RFWD3: variants seen among roughly 807,000 people sequenced by gnomAD.
RFWD3 encodes E3 ubiquitin-protein ligase RFWD3.
RFWD3 carries 65 observed loss-of-function variants against 87.7 expected under a neutral mutation model. That is an observed-to-expected ratio of 0.74 (90% CI 0.61 to 0.91). The LOEUF (loss-of-function observed/expected upper bound fraction) is 0.91. Ranked by LOEUF, RFWD3 falls within the 40% of genes least tolerant of loss-of-function variation. RFWD3 has a pLI of 0.00. For synonymous variants in RFWD3, 433 were observed against 352.8 expected (o/e 1.23, Z -2.55); for missense variants, 1,078 against 938.5 (o/e 1.15, Z -1.94).
Position 74,628,612 on chromosome 16 carries a change from T to G in RFWD3, c.1809A>C (p.Pro603=). 2 of 1,614,064 alleles carry G rather than the reference T, an allele frequency of 1.2e-6. No homozygotes were observed. The highest frequency in any genetic ancestry group is 1.7e-6 in the Non-Finnish European group (2 of 1,180,018). The part of the protein sequence containing the change: ...YMPRAASAAF[P]YGGVLAGTLE... ...AGGTTCCAGCCAGCACCCCACCATA[T>G]GGAAATGCAGCTGAGGCAGCTCTGG... The change falls in exon 11 of 13, where the codon CCA becomes CCC. Residue 603 remains proline (P), a synonymous_variant. Transcript: ENST00000361070.
At chr16:74,630,550 T>G (rs1597412431) in intron 10 of RFWD3, among the ~76,000 whole-genome samples, 1 of 152,336 alleles carries the variant, frequency 6.6e-6, no homozygotes, top group South Asian at 2.1e-4. Flanking sequence ...GTTAGATGAT[T>G]ACTATGAACC....
chr16:74,641,046 C>A (rs750404391), intron 6 of RFWD3, among the ~76,000 whole-genome samples: 12 of 152,040 alleles, frequency 7.9e-5, no homozygotes, highest in Non-Finnish European at 1.3e-4. Context: ...TTAGGTAAAG[C>A]TGAAATTAAA....
At chr16:74,628,225 G>T (rs1298505259) in intron 11 of RFWD3, among the ~76,000 whole-genome samples, 1 of 152,122 alleles carries the variant, frequency 6.6e-6, no homozygotes, top group African/African-American at 2.4e-5. Flanking sequence ...TCACTTCCAG[G>T]AGTACCTGGC....
rs777804678 is a variant in RFWD3 at position 74,636,333 on chromosome 16, C to A, written c.1426+13G>T. 1.2e-5 allele frequency: 19 copies of A among 1,609,174 alleles called. 1 individual carries two copies. In the South Asian group the frequency reaches 2.0e-4, roughly 17 times the overall value. ...AATAAAGAACATGAAAGCTGAGGTT[C>A]TAGACTCTTTACCTGGAAGAAAAGA... is the stretch of plus-strand genomic sequence containing the variant. On this transcript the variant is annotated intron_variant, in intron 8 of 12. Coordinates refer to ENST00000361070, the MANE Select transcript of RFWD3 (RefSeq NM_018124.4).
At chr16:74,640,443 C>G (rs903866087) in intron 6 of RFWD3, among the ~76,000 whole-genome samples, 1 of 151,800 alleles carries the variant, frequency 6.6e-6, no homozygotes, top group Non-Finnish European at 1.5e-5. Context: ...TGCGCCCGCC[C>G]GGAAACTTAA....
chr16:74,641,295 T>G (rs557098025), intron 6 of RFWD3, among the ~76,000 whole-genome samples: 12 of 152,212 alleles, frequency 7.9e-5, no homozygotes, highest in Admixed American at 2.0e-4. Context: ...CCCGAGTAGC[T>G]GGGACTACAG....
At chr16:74,626,684 G>T in intron 11 of RFWD3, 130 bp from the exon 12 acceptor site, 1 of 654,602 alleles carries the variant, frequency 1.5e-6, no homozygotes, top group Non-Finnish European at 2.7e-6. Flanking sequence ...ATCAAGAACA[G>T]TTACAAAACA....
rs78796563 is a variant in RFWD3 at position 74,630,800 on chromosome 16, A to G, written c.1735T>C (p.Leu579=). 0.024 allele frequency: 37,708 copies of G among 1,603,320 alleles called. 515 individuals carry two copies. The highest frequency in any genetic ancestry group is 0.027 in the Non-Finnish European group (31,494 of 1,175,768). The part of the protein sequence containing the change: ...VRNTSSHVQE[L]VAQKARCPLV... ...CCCTACCTGGCTTTCTGAGCTACTA[A>G]CTCCTGCACATGACTGCTCGTGTTT... Residue 579 remains leucine, a synonymous_variant, in exon 10 of 13, where the codon TTA becomes CTA. Transcript: ENST00000361070.
intron 2 of RFWD3, among the ~76,000 whole-genome samples, chr16:74,659,317 G>T (rs1311439564): frequency 6.6e-6 from 1 of 152,156 alleles, no homozygotes; most frequent in Non-Finnish European, 1.5e-5. Context: ...CTCAACCATG[G>T]AAAGTTAGCC....
At chr16:74,649,525 T>C (rs866108951) in intron 3 of RFWD3, among the ~76,000 whole-genome samples, 3 of 152,234 alleles carry the variant, frequency 2.0e-5, no homozygotes, top group Non-Finnish European at 2.9e-5. Context: ...TTTCTTTTGG[T>C]TGGAATACTT....
In RFWD3 at chr16:74,622,165, G is replaced by A. The variant is rs1597400771; in HGVS notation, c.*1763C>T. ...ACCTGACCACCTGTATCCTCTTGGT[G>A]GCAATCTGCTGAAGCCAGATGAGTT... On this transcript the variant is annotated 3_prime_UTR_variant, in exon 13 of 13. Transcript: ENST00000361070. 1.3e-5 allele frequency: 2 copies of A among 152,160 alleles called. No individual in the cohort carries two copies. 9.4% of individuals were successfully genotyped at this position (152,160 alleles called of 1,614,324 possible). A position where few individuals can be genotyped will look rare whatever the true frequency, so the allele number is the denominator to read the frequency against.
chr16:74,659,893 AGT>A (rs1436198109), intron 2 of RFWD3, among the ~76,000 whole-genome samples: 4 of 152,154 alleles, frequency 2.6e-5, no homozygotes, highest in African/African-American at 9.7e-5. Context: ...ATATTTTCAC[AGT>A]GTTAGAAAAC....
At chr16:74,635,713 A>G (rs925521327) in intron 8 of RFWD3, among the ~76,000 whole-genome samples, 1 of 152,254 alleles carries the variant, frequency 6.6e-6, no homozygotes, top group African/African-American at 2.4e-5. Flanking sequence ...ACATTATATA[A>G]CCATGCTAAA....
At chr16:74,660,197 T>C (rs1288695785) in intron 2 of RFWD3, among the ~76,000 whole-genome samples, 1 of 152,118 alleles carries the variant, frequency 6.6e-6, no homozygotes, top group African/African-American at 2.4e-5. Flanking sequence ...TATGAGACCC[T>C]GAACAAAGCC....
At chr16:74,645,720 C>G (rs542685487) in intron 4 of RFWD3, among the ~76,000 whole-genome samples, 2 of 151,618 alleles carry the variant, frequency 1.3e-5, no homozygotes, top group East Asian at 3.9e-4. Flanking sequence ...ATTATGCAGC[C>G]CATGATCATA....
intron 8 of RFWD3, among the ~76,000 whole-genome samples, chr16:74,635,372 C>T (rs1336042548): frequency 1.3e-5 from 2 of 151,872 alleles, no homozygotes; most frequent in Non-Finnish European, 2.9e-5. Context: ...GAGGCTGAGG[C>T]AGGAGAATCT....
At chr16:74,635,617 G>C (rs1223044575) in intron 8 of RFWD3, among the ~76,000 whole-genome samples, 1 of 152,218 alleles carries the variant, frequency 6.6e-6, no homozygotes. Flanking sequence ...CCAATTTGGG[G>C]AACATTAGGA....
chr16:74,661,863 T>C (rs921558587), intron 1 of RFWD3, among the ~76,000 whole-genome samples: 1 of 152,176 alleles, frequency 6.6e-6, no homozygotes, highest in African/African-American at 2.4e-5. Flanking sequence ...ATATTAATCT[T>C]TCACAGCATC....
intron 2 of RFWD3, among the ~76,000 whole-genome samples, chr16:74,654,463 T>C (rs1039521182): frequency 2.0e-5 from 3 of 152,180 alleles, no homozygotes; most frequent in African/African-American, 4.8e-5. Flanking sequence ...CAGTAAATGT[T>C]GTGTATGTTG....
Sources: allele counts gnomAD v4.1 joint callset (sites outside exome capture counted in the v4.1 genomes callset), GRCh38; gene constraint gnomAD v4.1.1; transcripts MANE v1.5; gene names NCBI Gene and HGNC (gene_info 2026-07-23, HGNC 2026-07-21).